The following FER variants were observed in gnomAD, a reference collection of about 807,000 sequenced individuals.
FER encodes the protein tyrosine-protein kinase Fer.
A neutral mutation model predicts 111.0 loss-of-function variants in FER; 63 were observed. The ratio of observed to expected loss-of-function variants is 0.57; its 90% confidence interval spans 0.46 to 0.70. The LOEUF is 0.70. Ranked by LOEUF, FER falls within the 30% of genes least tolerant of loss-of-function variation. The pLI, the probability that FER is intolerant of heterozygous loss-of-function variation, is 0.00. For synonymous variants in FER, 327 were observed against 313.9 expected (o/e 1.04, Z -0.44); for missense variants, 914 against 954.0 (o/e 0.96, Z 0.55).
chr5:109,135,752 C>A (rs917275298), intron 17 of FER, among the ~76,000 whole-genome samples: 1 of 152,166 alleles, frequency 6.6e-6, no homozygotes, highest in East Asian at 1.9e-4. Flanking sequence ...TACCCTTTGA[C>A]CTTATTCCTT....
intron 5 of FER, among the ~76,000 whole-genome samples, chr5:108,864,834 A>G (rs999537640): frequency 1.3e-5 from 2 of 152,016 alleles, no homozygotes; most frequent in Non-Finnish European, 2.9e-5. Context: ...TTGACTTGGC[A>G]ATGTGGGCTC....
At chr5:108,769,238 G>T (rs1392656401) in intron 2 of FER, among the ~76,000 whole-genome samples, 1 of 152,178 alleles carries the variant, frequency 6.6e-6, no homozygotes, top group Non-Finnish European at 1.5e-5. Flanking sequence ...TGTAATTTAA[G>T]ATGAGACCTA....
intron 13 of FER, among the ~76,000 whole-genome samples, chr5:109,021,286 C>A (rs575300965): frequency 6.6e-6 from 1 of 152,144 alleles, no homozygotes; most frequent in South Asian, 2.1e-4. Flanking sequence ...AGAACAGGGA[C>A]TATAATGTTG....
chr5:108,884,513 T>TG (rs35392446), intron 9 of FER, among the ~76,000 whole-genome samples: 2 of 69,228 alleles, frequency 2.9e-5, no homozygotes, highest in Non-Finnish European at 6.2e-5. Context: ...TTATGCCTGG[T>TG]TTTTTTTTTG....
chr5:108,804,668 A>ATCACATTCCT (rs1462599589), intron 3 of FER, among the ~76,000 whole-genome samples: 3 of 152,206 alleles, frequency 2.0e-5, no homozygotes, highest in Non-Finnish European at 4.4e-5. Flanking sequence ...CCAACCTTGC[A>ATCACATTCCT]TCACAGGAAT....
intron 13 of FER, among the ~76,000 whole-genome samples, chr5:108,977,020 T>C (rs768465278): frequency 2.0e-5 from 3 of 152,238 alleles, no homozygotes; most frequent in Non-Finnish European, 4.4e-5. Context: ...GATCACTTTT[T>C]ACTGTGATAG....
At chr5:108,991,458 G>A (rs758332302) in intron 13 of FER, among the ~76,000 whole-genome samples, 5 of 148,636 alleles carry the variant, frequency 3.4e-5, no homozygotes, top group African/African-American at 5.2e-5. Flanking sequence ...CCATATGTAA[G>A]GTTTTATAAT....
intron 13 of FER, 146 bp downstream of exon 13, chr5:108,959,493 A>G (rs1328133068): frequency 1.5e-5 from 10 of 659,914 alleles, no homozygotes; most frequent in Non-Finnish European, 2.1e-5. Context: ...TTTATTACTA[A>G]TGCAATTGAA....
At chr5:108,992,022 G>A (rs1020687299) in intron 13 of FER, among the ~76,000 whole-genome samples, 62 of 152,136 alleles carry the variant, frequency 4.1e-4, no homozygotes, top group Admixed American at 9.2e-4. Context: ...AGGACCCTGC[G>A]GCCTTCCGCA....
Position 108,907,469 on chromosome 5 carries a change from ATTTT to A in FER, c.1236+9623_1236+9626del, listed in dbSNP as rs1258573983. Among the ~76,000 whole-genome samples the A allele has an allele frequency of 2.6e-5, 4 of 151,438 alleles. No individual in the cohort carries two copies. In the South Asian group the frequency reaches 8.4e-4, roughly 32 times the overall value. ...CACCACACCCAGCTAATTTTTTTGT[ATTTT>A]TGATAGAGACGGGGTTTTATCATCT... On this transcript the variant is annotated intron_variant, in intron 10 of 19. Coordinates refer to ENST00000281092, the MANE Select transcript of FER (RefSeq NM_005246.4).
chr5:108,873,845 C>G (rs1329376321), intron 8 of FER, among the ~76,000 whole-genome samples: 7 of 152,160 alleles, frequency 4.6e-5, no homozygotes, highest in Non-Finnish European at 7.4e-5. Flanking sequence ...AAAGAATTAT[C>G]TGGTGAAAAT....
rs1183462268 is a variant in FER, at chr5:109,042,978, AG to A, written c.1714-1701del. Among the ~76,000 whole-genome samples the A allele has an allele frequency of 3.9e-5, 6 of 152,172 alleles. No homozygotes were observed. The East Asian group carries it at 7.7e-4, about 20-fold the overall frequency. ...TTTCTCTAGGAAAGATTAATTTGGCAGTGCTGTTGTAGGTGGATTGGAGAAG... is the reference window on the plus strand; with the variant it reads ...TTTCTCTAGGAAAGATTAATTTGGCATGCTGTTGTAGGTGGATTGGAGAAG... On this transcript the variant is annotated intron_variant, in intron 14 of 19. Transcript: ENST00000281092.
At chr5:108,810,313 G>T (rs1045462115) in intron 3 of FER, among the ~76,000 whole-genome samples, 1 of 152,128 alleles carries the variant, frequency 6.6e-6, no homozygotes, top group African/African-American at 2.4e-5. Flanking sequence ...CTTGATCCTC[G>T]CTTACTGAGA....
chr5:109,019,421 T>G (rs771187394), intron 13 of FER, among the ~76,000 whole-genome samples: 3 of 151,702 alleles, frequency 2.0e-5, no homozygotes, highest in Non-Finnish European at 4.4e-5. Flanking sequence ...GTTAGTATTG[T>G]CAAAGTGTGG....
At chr5:108,931,108 A>G (rs189547870) in intron 10 of FER, among the ~76,000 whole-genome samples, 4 of 152,332 alleles carry the variant, frequency 2.6e-5, no homozygotes, top group African/African-American at 7.2e-5. Context: ...AATGAGGATA[A>G]TAACAGGACC....
chr5:108,885,948 A>G (rs1433366850), intron 9 of FER, among the ~76,000 whole-genome samples: 1 of 151,936 alleles, frequency 6.6e-6, no homozygotes, highest in Non-Finnish European at 1.5e-5. Flanking sequence ...AATTAAACAA[A>G]AGAATTATCT....
At chr5:109,109,119 C>T (rs1749299071) in intron 17 of FER, among the ~76,000 whole-genome samples, 1 of 152,076 alleles carries the variant, frequency 6.6e-6, no homozygotes. Flanking sequence ...TGGCTAAGAC[C>T]ACCGATTTGA....
Position 108,946,215 on chromosome 5 carries a change from C to A in FER, c.1322C>A (p.Ser441Tyr). The A allele has an allele frequency of 6.2e-7, 1 of 1,609,786 alleles. No individual in the cohort carries two copies. The change falls in exon 11 of 20, where the codon TCT (serine) becomes TAT (tyrosine). Residue 441 changes from serine (S) to tyrosine (Y), a missense_variant. Ser to Tyr is a moderately radical substitution (Grantham distance 144, BLOSUM62 -2). This residue lies in a region of FER where 774 missense variants were observed against 782.6 expected (regional missense o/e 0.99). Coordinates refer to ENST00000281092, the MANE Select transcript of FER (RefSeq NM_005246.4). Reference sequence around the variant, plus strand: ...AGGTCTCCAAAATCTGCACTGGGCTCTTCAGCAGTAAGTAGGATTAACTCT... The same window carrying A: ...AGGTCTCCAAAATCTGCACTGGGCTATTCAGCAGTAAGTAGGATTAACTCT... Reference protein sequence around the residue: ...IIRSPKSALGSSALSDMISIS... With the variant: ...IIRSPKSALGYSALSDMISIS...
At chr5:108,862,315 A>C (rs1388701906) in intron 5 of FER, among the ~76,000 whole-genome samples, 1 of 152,132 alleles carries the variant, frequency 6.6e-6, no homozygotes, top group Non-Finnish European at 1.5e-5. Flanking sequence ...TAACTTCTCT[A>C]ATGTTATCTT....
Sources: gnomAD v4.1 joint callset for allele counts (sites outside exome capture counted in the v4.1 genomes callset) on GRCh38, gnomAD v4.1.1 for gene constraint, gnomAD v4.1.1 regional missense constraint, MANE v1.5 for transcripts, NCBI Gene and HGNC (gene_info 2026-07-23, HGNC 2026-07-21) for gene names.